The following ANKRD24 variants were observed in gnomAD, a reference collection of about 807,000 sequenced individuals.
ANKRD24 encodes ankyrin repeat domain-containing protein 24.
Under a neutral mutation model 127.8 loss-of-function variants are expected in ANKRD24, and 109 were observed. The ratio of observed to expected loss-of-function variants is 0.85; its 90% CI spans 0.73 to 1.00. The LOEUF (loss-of-function observed/expected upper bound fraction) is 1.00, where lower values mean the gene tolerates loss of function less well. ANKRD24 is among the 50% of genes least tolerant of loss of function. The probability of loss-of-function intolerance (pLI) is 0.00; values close to 1 mark genes in which losing one functional copy is unlikely to be tolerated. For missense variants in ANKRD24, 1,648 were observed against 1,570.2 expected, an observed-to-expected ratio of 1.05 and a Z score of -0.84; for synonymous variants, 743 against 671.1, an observed-to-expected ratio of 1.11 and a Z score of -1.66.
intron 5 of ANKRD24, among the ~76,000 whole-genome samples, chr19:4,201,647 G>T (rs73524607): frequency 0.029 from 4,473 of 152,216 alleles, 220 homozygotes; most frequent in African/African-American, 0.1. Flanking sequence ...ACTTTGGGAG[G>T]CTGAGGTGGG....
intron 2 of ANKRD24, among the ~76,000 whole-genome samples, chr19:4,189,038 G>A (rs1056694714): frequency 8.0e-5 from 12 of 149,864 alleles, no homozygotes; most frequent in Admixed American, 6.0e-4. Context: ...TCGAGCTTCC[G>A]ACCTCAGGTG....
At chr19:4,202,431 G>A (rs1969144232) in intron 6 of ANKRD24, among the ~76,000 whole-genome samples, 1 of 152,052 alleles carries the variant, frequency 6.6e-6, no homozygotes, top group South Asian at 2.1e-4. Flanking sequence ...TTAGCTGGGA[G>A]CGGTGGTGTG....
intron 19 of ANKRD24, among the ~76,000 whole-genome samples, chr19:4,219,988 T>A (rs1474642018): frequency 6.6e-6 from 1 of 152,226 alleles, no homozygotes; most frequent in Non-Finnish European, 1.5e-5. Context: ...TTATTTTATT[T>A]TTTTACTTGA....
chr19:4,193,709 T>C (rs1280631475), intron 2 of ANKRD24, among the ~76,000 whole-genome samples: 1 of 151,378 alleles, frequency 6.6e-6, no homozygotes, highest in Non-Finnish European at 1.5e-5. Context: ...TGGTGGCGGG[T>C]GCGTGTAATC....
chr19:4,193,866 A>AGGAG (rs1968543070), intron 2 of ANKRD24, among the ~76,000 whole-genome samples: 1 of 127,484 alleles, frequency 7.8e-6, no homozygotes, highest in Admixed American at 7.7e-5. Flanking sequence ...GAAGGAAGGA[A>AGGAG]GGAAGGAAGG....
chr19:4,184,506 C>T (rs1455374028), intron 1 of ANKRD24, among the ~76,000 whole-genome samples: 1 of 152,238 alleles, frequency 6.6e-6, no homozygotes, highest in Non-Finnish European at 1.5e-5. Flanking sequence ...GCCTAGCTTC[C>T]TCCAAGGCAG....
chr19:4,222,466 T>C (rs1470770589), intron 19 of ANKRD24, among the ~76,000 whole-genome samples: 1 of 152,192 alleles, frequency 6.6e-6, no homozygotes, highest in Non-Finnish European at 1.5e-5. Context: ...GCTGTGTTGG[T>C]AACCATAAGC....
intron 7 of ANKRD24, among the ~76,000 whole-genome samples, chr19:4,206,670 G>A (rs1364957891): frequency 2.0e-5 from 3 of 152,008 alleles, no homozygotes; most frequent in East Asian, 3.9e-4. Context: ...ACTGGCAGTC[G>A]GCAGACCTAG....
At chr19:4,183,381 A>G (rs1967852193) in intron 1 of ANKRD24, 1 of 980,864 alleles carries the variant, frequency 1.0e-6, no homozygotes. Flanking sequence ...TTTAAGAATC[A>G]TGTGTTGAGT....
chr19:4,218,423 C>T (rs528951749), intron 18 of ANKRD24, among the ~76,000 whole-genome samples: 2 of 152,012 alleles, frequency 1.3e-5, no homozygotes, highest in African/African-American at 2.4e-5. Flanking sequence ...CCTCAGCCTC[C>T]GGAGTAGCTG....
chr19:4,192,950 T>A (rs923787754), intron 2 of ANKRD24, among the ~76,000 whole-genome samples: 7 of 151,044 alleles, frequency 4.6e-5, no homozygotes, highest in Admixed American at 4.0e-4. Flanking sequence ...AATAAATAAA[T>A]AAAAATAAAA....
chr19:4,220,614 G>C (rs1180694074), intron 19 of ANKRD24, among the ~76,000 whole-genome samples: 1 of 152,128 alleles, frequency 6.6e-6, no homozygotes, highest in East Asian at 1.9e-4. Flanking sequence ...GAGTGCAGTG[G>C]CGTGATCTTG....
chr19:4,217,748 CG>C lies in ANKRD24; in HGVS notation c.2593del (p.Glu865SerfsTer145). On this transcript the variant is annotated frameshift_variant, in exon 18 of 22. Coordinates refer to ENST00000318934, the MANE Select transcript of ANKRD24 (RefSeq NM_001393985.1). LOFTEE classifies it high-confidence loss of function. ...LREQLATARA[T>X]GEQQRTAAAE... The stretch of plus-strand genomic sequence containing the variant: ...GAGCAGCTGGCCACGGCCAGGGCCA[CG>C]GGGGAGCAGCAGCGCACGGCGGCCG... 2 of 1,299,006 alleles carry C rather than the reference CG, an allele frequency of 1.5e-6. No homozygotes were observed. 80.5% of individuals were successfully genotyped at this position (1,299,006 alleles called of 1,614,324 possible). A position where few individuals can be genotyped will look rare whatever the true frequency, so the allele number is the denominator to read the frequency against.
chr19:4,189,624 G>C (rs1320650215), intron 2 of ANKRD24, among the ~76,000 whole-genome samples: 1 of 151,746 alleles, frequency 6.6e-6, no homozygotes, highest in East Asian at 1.9e-4. Flanking sequence ...GGGCTCAAGA[G>C]ATCCTCCCGC....
intron 11 of ANKRD24, 139 bp from the exon 12 acceptor site, chr19:4,209,919 G>A (rs188211014): frequency 2.3e-5 from 12 of 533,302 alleles, no homozygotes; most frequent in African/African-American, 6.6e-5. Context: ...ATAAGTAAGC[G>A]GCAGGAGGCA....
chr19:4,204,402 CA>C (rs1313590587), intron 7 of ANKRD24, among the ~76,000 whole-genome samples: 1 of 152,132 alleles, frequency 6.6e-6, no homozygotes, highest in African/African-American at 2.4e-5. Context: ...TTGTCCGCAG[CA>C]GGTAAATCGT....
chr19:4,189,236 CTTTCTTCTTT>C (rs1968238366), intron 2 of ANKRD24, among the ~76,000 whole-genome samples: 1 of 100,776 alleles, frequency 9.9e-6, no homozygotes, highest in Admixed American at 1.0e-4. Flanking sequence ...TTTAATTTTT[CTTTCTTCTTT>C]TTTTTTTTTT....
At chr19:4,219,537 T>G (rs1390823629) in intron 18 of ANKRD24, 54 bp from the exon 19 acceptor site, 30 of 1,541,676 alleles carry the variant, frequency 1.9e-5, no homozygotes, top group Non-Finnish European at 2.5e-5. Flanking sequence ...TTCTGGGGTC[T>G]AGCATCATTG....
At position 4,195,436 on chromosome 19, in the gene ANKRD24, C is replaced by T. The variant is rs1034251305; in HGVS notation, c.37-4247C>T. On this transcript the variant is annotated intron_variant, in intron 2 of 21. Coordinates refer to ENST00000318934, the MANE Select transcript of ANKRD24 (RefSeq NM_001393985.1). This position sits in a 1 kb window ranked among gnomAD's most constrained non-coding sequence, Gnocchi z 4.2. ...TGTAGGAGACAGTTGGAAACTGAAG[C>T]CCTGAGCTGGGAGATCCGTTTCGGT... Among the ~76,000 whole-genome samples the T allele has an allele frequency of 2.6e-5, 4 of 152,088 alleles. No homozygotes were observed. In the East Asian group the frequency reaches 5.8e-4, roughly 22 times the overall value.
Sources: gnomAD v4.1 joint callset for allele counts (sites outside exome capture counted in the v4.1 genomes callset) on GRCh38, gnomAD v4.1.1 for gene constraint, Gnocchi (gnomAD v3.1) non-coding constraint, MANE v1.5 for transcripts, NCBI Gene and HGNC (gene_info 2026-07-23, HGNC 2026-07-21) for gene names.